Variants in SPOCK3 observed in about 807,000 individuals in gnomAD.
SPOCK3 encodes the protein SPARC (osteonectin), cwcv and kazal like domains proteoglycan 3, also known as testican-3.
A neutral mutation model predicts 56.6 loss-of-function variants in SPOCK3; 30 were observed. The ratio of observed to expected loss-of-function variants is 0.53; its 90% confidence interval spans 0.40 to 0.72. The LOEUF (loss-of-function observed/expected upper bound fraction) is 0.72. Among genes scored for constraint, SPOCK3 ranks in the 30% least tolerant of loss-of-function variants. The probability of loss-of-function intolerance (pLI) is 0.00; values close to 1 mark genes in which losing one functional copy is unlikely to be tolerated. For missense variants in SPOCK3, 527 were observed against 530.0 expected, an observed-to-expected ratio of 0.99 and a Z score of 0.06; for synonymous variants, 196 against 183.3, an observed-to-expected ratio of 1.07 and a Z score of -0.56.
intron 4 of SPOCK3, among the ~76,000 whole-genome samples, chr4:166,924,884 T>G (rs2149984092): frequency 6.6e-6 from 1 of 152,330 alleles, no homozygotes; most frequent in African/African-American, 2.4e-5. Flanking sequence ...TAACACTTTT[T>G]TACTCTCATT....
At chr4:167,178,665 CT>C (rs1731189955) in intron 2 of SPOCK3, among the ~76,000 whole-genome samples, 1 of 151,968 alleles carries the variant, frequency 6.6e-6, no homozygotes, top group Admixed American at 6.6e-5. Flanking sequence ...ATTTCAATAA[CT>C]TTTTAGTTTT....
chr4:166,867,536 G>A (rs1307741642), intron 6 of SPOCK3, among the ~76,000 whole-genome samples: 1 of 151,574 alleles, frequency 6.6e-6, no homozygotes, highest in Admixed American at 6.6e-5. Flanking sequence ...TAATACACTA[G>A]AAATGAATTC....
intron 7 of SPOCK3, among the ~76,000 whole-genome samples, chr4:166,789,059 G>A (rs930207544): frequency 1.5e-5 from 2 of 136,600 alleles, no homozygotes; most frequent in Admixed American, 7.1e-5. Context: ...AGTATAAAAT[G>A]CCTGAAGACA....
At chr4:167,097,369 T>C (rs1013331745) in intron 2 of SPOCK3, among the ~76,000 whole-genome samples, 14 of 151,780 alleles carry the variant, frequency 9.2e-5, no homozygotes, top group African/African-American at 3.4e-4. Flanking sequence ...TCTAGTATCT[T>C]CATTTTTTTT....
At chr4:166,921,107 T>A (rs1738431124) in intron 4 of SPOCK3, among the ~76,000 whole-genome samples, 1 of 152,180 alleles carries the variant, frequency 6.6e-6, no homozygotes, top group Non-Finnish European at 1.5e-5. Flanking sequence ...ATTTACAGGA[T>A]GAAACAAACG....
chr4:167,202,997 A>T, intron 2 of SPOCK3, among the ~76,000 whole-genome samples: 1 of 151,458 alleles, frequency 6.6e-6, no homozygotes, highest in Admixed American at 6.6e-5. Flanking sequence ...TGTTCTTTTG[A>T]TATTTGTATT....
intron 2 of SPOCK3, among the ~76,000 whole-genome samples, chr4:167,143,463 A>C (rs915355524): frequency 4.6e-5 from 7 of 152,006 alleles, no homozygotes; most frequent in Non-Finnish European, 1.0e-4. Flanking sequence ...CCTAGCAAAC[A>C]GTAAGTGATC....
chr4:167,147,704 C>G (rs1764084744), intron 2 of SPOCK3, among the ~76,000 whole-genome samples: 1 of 152,058 alleles, frequency 6.6e-6, no homozygotes, highest in South Asian at 2.1e-4. Context: ...CAAACTATCA[C>G]AAGAAGAGAA....
intron 4 of SPOCK3, among the ~76,000 whole-genome samples, chr4:166,996,868 A>G (rs1364381327): frequency 6.6e-6 from 1 of 152,194 alleles, no homozygotes; most frequent in African/African-American, 2.4e-5. Flanking sequence ...TTATTATTTA[A>G]AACGCTGAGG....
intron 8 of SPOCK3, among the ~76,000 whole-genome samples, chr4:166,750,249 T>C (rs1188615408): frequency 6.6e-6 from 1 of 152,174 alleles, no homozygotes; most frequent in Non-Finnish European, 1.5e-5. Flanking sequence ...CATCTATCAT[T>C]TAAACTCACT....
At chr4:167,184,184 C>T (rs1033215317) in intron 2 of SPOCK3, among the ~76,000 whole-genome samples, 1 of 152,130 alleles carries the variant, frequency 6.6e-6, no homozygotes, top group Non-Finnish European at 1.5e-5. Flanking sequence ...ATGCCTATTT[C>T]CCCAAAAGAA....
intron 4 of SPOCK3, among the ~76,000 whole-genome samples, chr4:166,952,156 G>A (rs994473188): frequency 1.3e-5 from 2 of 152,166 alleles, no homozygotes; most frequent in Non-Finnish European, 2.9e-5. Flanking sequence ...CCTGTTTGCA[G>A]ACGACATGAT....
At chr4:167,081,184 A>G (rs1054176971) in intron 2 of SPOCK3, among the ~76,000 whole-genome samples, 7 of 152,136 alleles carry the variant, frequency 4.6e-5, no homozygotes, top group Admixed American at 4.6e-4. Context: ...TTCTAGCTCA[A>G]CAACTAACTG....
At chr4:166,752,131 TCTC>T (rs1007398656) in intron 8 of SPOCK3, among the ~76,000 whole-genome samples, 1 of 151,924 alleles carries the variant, frequency 6.6e-6, no homozygotes, top group African/African-American at 2.4e-5. Context: ...CCAACCTCCT[TCTC>T]CTGCCTCAGA....
At chr4:167,170,967 T>C (rs911815463) in intron 2 of SPOCK3, among the ~76,000 whole-genome samples, 7 of 151,632 alleles carry the variant, frequency 4.6e-5, no homozygotes, top group African/African-American at 1.7e-4. Flanking sequence ...GAAAAGCAAA[T>C]GGGGTGAGGA....
chr4:167,166,135 AT>A (rs1375411206), intron 2 of SPOCK3, among the ~76,000 whole-genome samples: 3 of 152,110 alleles, frequency 2.0e-5, no homozygotes, highest in African/African-American at 7.2e-5. Context: ...TACTACTGTT[AT>A]AAAACTTGTA....
At chr4:167,140,023 G>A (rs1281357957) in intron 2 of SPOCK3, among the ~76,000 whole-genome samples, 1 of 151,850 alleles carries the variant, frequency 6.6e-6, no homozygotes, top group Non-Finnish European at 1.5e-5. Flanking sequence ...CCAATATGAC[G>A]TAGTCAAGTC....
chr4:166,903,008 T>C (rs1736220815), intron 5 of SPOCK3, among the ~76,000 whole-genome samples: 1 of 150,204 alleles, frequency 6.7e-6, no homozygotes, highest in Non-Finnish European at 1.5e-5. Flanking sequence ...GCTGTTGGCA[T>C]TGTTCACTCT....
At chr4:166,980,331 A>T (rs1163716335) in intron 4 of SPOCK3, among the ~76,000 whole-genome samples, 1 of 152,236 alleles carries the variant, frequency 6.6e-6, no homozygotes, top group Non-Finnish European at 1.5e-5. Flanking sequence ...GAGATACAAT[A>T]ATATCTTCTT....
Sources: gnomAD v4.1 joint callset for allele counts (sites outside exome capture counted in the v4.1 genomes callset) on GRCh38, gnomAD v4.1.1 for gene constraint, MANE v1.5 for transcripts, NCBI Gene and HGNC (gene_info 2026-07-23, HGNC 2026-07-21) for gene names.